C2orf66: variants seen among roughly 807,000 people sequenced by gnomAD.
C2orf66 encodes the protein uncharacterized protein C2orf66.
Under a neutral mutation model 7.0 loss-of-function variants are expected in C2orf66, and 6 were observed. The observed-to-expected ratio is 0.86, with a 90% CI of 0.47 to 1.69. C2orf66 has a LOEUF of 1.69. Ranked by LOEUF, C2orf66 falls within the 40% of genes most tolerant of loss-of-function variation. The pLI is 0.01. For synonymous variants in C2orf66, 38 were observed against 43.8 expected, an observed-to-expected ratio of 0.87 and a Z score of 0.52; for missense variants, 107 against 112.0, an observed-to-expected ratio of 0.96 and a Z score of 0.20.
intron 2 of C2orf66, among the ~76,000 whole-genome samples, chr2:196,805,982 C>A (rs549011036): frequency 6.6e-6 from 1 of 152,228 alleles, no homozygotes; most frequent in Admixed American, 6.5e-5. Context: ...GAGTAGCAAT[C>A]ATTATTTTTT....
the C2orf66 span, among the ~76,000 whole-genome samples, chr2:196,819,460 C>T: frequency 9.9e-5 from 15 of 152,184 alleles, no homozygotes; most frequent in Admixed American, 9.8e-4. Context: ...TTCGCCAGAA[C>T]CCAATCTGTG....
the C2orf66 span, among the ~76,000 whole-genome samples, chr2:196,814,583 C>A: frequency 0.015 from 2,320 of 150,306 alleles, 41 homozygotes; most frequent in Middle Eastern, 0.017. Context: ...AAAAACAAAT[C>A]AAAAAAAAAA....
chr2:196,805,751 T>C (rs1699813287), intron 2 of C2orf66, among the ~76,000 whole-genome samples: 1 of 152,194 alleles, frequency 6.6e-6, no homozygotes, highest in Admixed American at 6.5e-5. Flanking sequence ...GTATCTGCAA[T>C]TTACAGATGA....
chr2:196,812,039 A>G (rs1200585406), upstream of C2orf66, among the ~76,000 whole-genome samples: 5 of 152,188 alleles, frequency 3.3e-5, no homozygotes, highest in African/African-American at 4.8e-5. Flanking sequence ...ATGAGTGAGT[A>G]TAGCAAGCTC....
At chr2:196,831,552 T>A in the C2orf66 span, among the ~76,000 whole-genome samples, 1 of 152,106 alleles carries the variant, frequency 6.6e-6, no homozygotes, top group Admixed American at 6.5e-5. Flanking sequence ...CATGCAGGCA[T>A]AGAGACCCCG....
the C2orf66 span, among the ~76,000 whole-genome samples, chr2:196,819,786 C>T: frequency 3.4e-4 from 52 of 152,268 alleles, no homozygotes; most frequent in South Asian, 1.7e-3. Flanking sequence ...TAGATTCTTA[C>T]GATATTTCAG....
At chr2:196,830,221 T>C in the C2orf66 span, among the ~76,000 whole-genome samples, 6 of 152,216 alleles carry the variant, frequency 3.9e-5, no homozygotes, top group Admixed American at 3.3e-4. Flanking sequence ...CCAAACTTGA[T>C]TGAGAATTAC....
At chr2:196,809,357 A>AC (rs1699849792), upstream of C2orf66, 1 of 1,612,890 alleles carries the variant, frequency 6.2e-7, no homozygotes, top group African/African-American at 1.3e-5. Context: ...AGCTGAGTGA[A>AC]AGAGGGGATG....
chr2:196,814,517 C>G, the C2orf66 span, among the ~76,000 whole-genome samples: 1 of 152,030 alleles, frequency 6.6e-6, no homozygotes, highest in East Asian at 1.9e-4. Context: ...CATGCGTATA[C>G]CTGTATAACA....
the C2orf66 span, among the ~76,000 whole-genome samples, chr2:196,828,238 A>T: frequency 3.1e-3 from 373 of 121,132 alleles, 2 homozygotes; most frequent in African/African-American, 8.5e-3. Context: ...TCTCACACAC[A>T]CACACACACA....
At chr2:196,811,292 C>T (rs988106105), upstream of C2orf66, among the ~76,000 whole-genome samples, 7 of 152,194 alleles carry the variant, frequency 4.6e-5, no homozygotes, top group Non-Finnish European at 1.0e-4. Context: ...CTTGATCATA[C>T]TTGCATTTTT....
the C2orf66 span, among the ~76,000 whole-genome samples, chr2:196,822,726 C>G: frequency 6.6e-6 from 1 of 152,150 alleles, no homozygotes; most frequent in Admixed American, 6.5e-5. Context: ...AAAATACCCC[C>G]TTTCTCCATT....
the C2orf66 span, among the ~76,000 whole-genome samples, chr2:196,829,241 A>C: frequency 1.3e-5 from 2 of 152,208 alleles, no homozygotes; most frequent in Non-Finnish European, 2.9e-5. Context: ...GGTCTCATTC[A>C]AAGTAATCCC....
At chr2:196,816,093 A>C in the C2orf66 span, among the ~76,000 whole-genome samples, 1 of 152,178 alleles carries the variant, frequency 6.6e-6, no homozygotes, top group African/African-American at 2.4e-5. Flanking sequence ...GAGAAGGAGG[A>C]AGAAATAAAC....
At chr2:196,812,067 A>G (rs1333252075), upstream of C2orf66, among the ~76,000 whole-genome samples, 1 of 152,196 alleles carries the variant, frequency 6.6e-6, no homozygotes, top group Non-Finnish European at 1.5e-5. Flanking sequence ...CGCAGCTATG[A>G]AAAGAAAGAA....
upstream of C2orf66, among the ~76,000 whole-genome samples, chr2:196,810,812 G>T (rs765776990): frequency 1.3e-5 from 2 of 152,148 alleles, no homozygotes; most frequent in South Asian, 4.1e-4. Context: ...CTATGTGCCA[G>T]GTACTGCAAC....
chr2:196,806,632 C>T (rs964408700), intron 2 of C2orf66, among the ~76,000 whole-genome samples: 2 of 151,064 alleles, frequency 1.3e-5, no homozygotes, highest in South Asian at 2.1e-4. Flanking sequence ...AGGTGGATCA[C>T]GAGGTCAGGA....
the C2orf66 span, among the ~76,000 whole-genome samples, chr2:196,830,152 ATTTCTAGTTG>A: frequency 1.3e-5 from 2 of 152,170 alleles, no homozygotes; most frequent in African/African-American, 4.8e-5. Flanking sequence ...TCAGGACAGC[ATTTCTAGTTG>A]TTTCTAGGAG....
chr2:196,812,479 T>C (rs7557165), upstream of C2orf66, among the ~76,000 whole-genome samples: 40,663 of 152,062 alleles, frequency 0.27, 6,435 homozygotes, highest in African/African-American at 0.44. Flanking sequence ...CAATAACATA[T>C]TGAATGGGCA....
Sources: gnomAD v4.1 joint callset for allele counts (sites outside exome capture counted in the v4.1 genomes callset) on GRCh38, gnomAD v4.1.1 for gene constraint, MANE v1.5 for transcripts, NCBI Gene and HGNC (gene_info 2026-07-23, HGNC 2026-07-21) for gene names.